The following URGCP variants were observed in gnomAD, a reference collection of about 807,000 sequenced individuals.
The protein encoded by URGCP is up-regulator of cell proliferation.
A neutral mutation model predicts 24.6 loss-of-function variants in URGCP; 13 were observed. That is an observed-to-expected ratio of 0.53 (90% CI 0.34 to 0.84). URGCP has a LOEUF of 0.84. URGCP is among the 40% of genes least tolerant of loss of function. The probability of loss-of-function intolerance (pLI) is 0.01; values close to 1 mark genes in which losing one functional copy is unlikely to be tolerated. For synonymous variants in URGCP, 444 were observed against 487.2 expected, an observed-to-expected ratio of 0.91 and a Z score of 1.17; for missense variants, 899 against 1,194.3, an observed-to-expected ratio of 0.75 and a Z score of 3.64.
chr7:43,894,034 A>G (rs908136916), intron 1 of URGCP, among the ~76,000 whole-genome samples: 2 of 152,250 alleles, frequency 1.3e-5, no homozygotes, highest in African/African-American at 4.8e-5. Flanking sequence ...CAGCAAGAGG[A>G]TATAACAATT....
At chr7:43,916,706 T>TCCC (rs2095915830) in intron 1 of URGCP, among the ~76,000 whole-genome samples, 5 of 29,820 alleles carry the variant, frequency 1.7e-4, no homozygotes, top group Admixed American at 3.9e-4. Flanking sequence ...TCCCACTCCC[T>TCCC]ACCCACCCCC....
chr7:43,908,362 G>A (rs186093569), upstream of URGCP, among the ~76,000 whole-genome samples: 1 of 152,344 alleles, frequency 6.6e-6, no homozygotes, highest in Admixed American at 6.5e-5. Flanking sequence ...ACAGGCGTGA[G>A]CCACCATGCC....
At chr7:43,923,881 T>TA (rs1322823415) in intron 1 of URGCP, among the ~76,000 whole-genome samples, 5 of 150,134 alleles carry the variant, frequency 3.3e-5, no homozygotes, top group African/African-American at 7.5e-5. Flanking sequence ...TTATTATTAT[T>TA]TTTTTTTTGA....
chr7:43,881,864 C>G (rs1048918052), intron 4 of URGCP, 43 bp downstream of exon 4: 1 of 1,609,806 alleles, frequency 6.2e-7, no homozygotes, highest in Non-Finnish European at 8.5e-7. Context: ...ACCCACTCCC[C>G]CTCTCCCCAG....
chr7:43,926,641 G>C (rs2095931432), upstream of URGCP: 3 of 1,405,858 alleles, frequency 2.1e-6, 1 homozygote, highest in African/African-American at 1.5e-5. Flanking sequence ...AGTGAAAGGT[G>C]ACGGAGGCTC....
intron 1 of URGCP, among the ~76,000 whole-genome samples, chr7:43,912,705 T>C (rs1442979818): frequency 3.3e-5 from 5 of 152,212 alleles, no homozygotes; most frequent in Non-Finnish European, 7.3e-5. Flanking sequence ...CCCATCAACA[T>C]AGGATGTCTT....
At chr7:43,915,112 C>A (rs1283444741) in intron 1 of URGCP, among the ~76,000 whole-genome samples, 3 of 152,184 alleles carry the variant, frequency 2.0e-5, no homozygotes, top group Admixed American at 2.0e-4. Context: ...GTTGGCAGGA[C>A]CCTCTCTTTT....
At chr7:43,905,692 G>A (rs1480412834) in intron 1 of URGCP, 2 of 152,126 alleles carry the variant, frequency 1.3e-5, no homozygotes, top group Non-Finnish European at 2.9e-5. Context: ...TGAATGATGG[G>A]TAACAGTCAA....
chr7:43,894,845 CAGA>C (rs1367300058), intron 1 of URGCP, among the ~76,000 whole-genome samples: 4 of 152,056 alleles, frequency 2.6e-5, no homozygotes, highest in Non-Finnish European at 5.9e-5. Flanking sequence ...GCCTAGGCAA[CAGA>C]AGGAGACTTC....
At chr7:43,910,124 C>G (rs1293395129), upstream of URGCP, among the ~76,000 whole-genome samples, 1 of 152,046 alleles carries the variant, frequency 6.6e-6, no homozygotes, top group East Asian at 1.9e-4. Flanking sequence ...CCTATAATCT[C>G]AGCACTTTGG....
At chr7:43,892,560 C>G (rs1230298983) in intron 1 of URGCP, among the ~76,000 whole-genome samples, 1 of 152,148 alleles carries the variant, frequency 6.6e-6, no homozygotes, top group Non-Finnish European at 1.5e-5. Context: ...TGGGTCTCTT[C>G]TCCACTTCTT....
chr7:43,909,422 A>G (rs1041628566), upstream of URGCP, among the ~76,000 whole-genome samples: 8 of 152,230 alleles, frequency 5.3e-5, no homozygotes, highest in African/African-American at 1.9e-4. Context: ...TGCCAACTTC[A>G]TAGGTTAAAA....
intron 1 of URGCP, among the ~76,000 whole-genome samples, chr7:43,914,402 G>T (rs1366196752): frequency 6.6e-6 from 1 of 152,180 alleles, no homozygotes; most frequent in African/African-American, 2.4e-5. Context: ...CTACTTGGGT[G>T]CCTGAGGTGA....
At chr7:43,912,984 G>A (rs973063836) in intron 1 of URGCP, among the ~76,000 whole-genome samples, 4 of 152,036 alleles carry the variant, frequency 2.6e-5, no homozygotes, top group Middle Eastern at 3.4e-3. Flanking sequence ...CCATGTAGCT[G>A]GGATTACAGC....
chr7:43,877,940 T>C lies in URGCP; in HGVS notation c.1523A>G (p.Glu508Gly). Residue 508 changes from glutamate (E) to glycine (G), a missense_variant, in exon 6 of 6, where the codon GAG becomes GGG. Coordinates refer to ENST00000453200, the MANE Select transcript of URGCP (RefSeq NM_001077663.3). ...CCACTGGAGCTGGCAGAACTCCTTC[T>C]CCACTTGGGCTGCCTTTCTCCAGGG... ...GDPWRKAAQV[E>G]KEFCQLQWAV... 6.2e-7 allele frequency: 1 copy of C among 1,614,150 alleles called. No homozygotes were observed. Among genetic ancestry groups the C allele is most frequent in the Non-Finnish European group, 8.5e-7 (1 of 1,180,028 alleles).
chr7:43,919,067 G>A, intron 1 of URGCP: 1 of 972,814 alleles, frequency 1.0e-6, no homozygotes. Flanking sequence ...TCACAGACCA[G>A]GAGGCAGATG....
chr7:43,895,419 T>C lies in URGCP; in HGVS notation c.15-7603A>G, dbSNP rs576917692. ...GGCCAGGCTCAGTGGCTCACACCTA[T>C]AATCTCAGTACTTCTGGAGGCCAAG... On this transcript the variant is annotated intron_variant, in intron 1 of 5. Coordinates refer to ENST00000453200, the MANE Select transcript of URGCP (RefSeq NM_001077663.3). 3.2e-4 allele frequency among the ~76,000 whole-genome samples: 48 copies of C among 152,374 alleles called. 2 individuals carry two copies. The South Asian group carries it at 9.9e-3, about 32-fold the overall frequency.
At chr7:43,914,183 G>T in intron 1 of URGCP, among the ~76,000 whole-genome samples, 1 of 152,206 alleles carries the variant, frequency 6.6e-6, no homozygotes, top group Middle Eastern at 3.4e-3. Context: ...TTGTAGAGAC[G>T]GGTTTTGCCA....
rs1282536792 is a variant in URGCP, at chr7:43,878,290, A to G, written c.1173T>C (p.Arg391=). 2 of 1,614,162 alleles carry G rather than the reference A, an allele frequency of 1.2e-6. No individual in the cohort carries two copies. The highest frequency in any genetic ancestry group is 1.7e-6 in the Non-Finnish European group (2 of 1,180,026). ...TKYYFILSPY[R]GKRNTNLRFL... is the part of the protein sequence containing the mutation. ...ATCTCAGGTTTGTGTTGCGCTTCCC[A>G]CGGTAGGGACTCAGGATGAAGTAGT... is the stretch of plus-strand genomic sequence containing the variant. The change falls in exon 6 of 6, where the codon CGT becomes CGC. Residue 391 remains arginine, a synonymous_variant. Transcript: ENST00000453200. This position sits in a 1 kb window ranked among gnomAD's most constrained non-coding sequence, Gnocchi z 5.6.
Sources: gnomAD v4.1 joint callset for allele counts (sites outside exome capture counted in the v4.1 genomes callset) on GRCh38, gnomAD v4.1.1 for gene constraint, Gnocchi (gnomAD v3.1) non-coding constraint, MANE v1.5 for transcripts, NCBI Gene and HGNC (gene_info 2026-07-23, HGNC 2026-07-21) for gene names.